Variants in TNS3 observed in about 807,000 individuals in gnomAD.
TNS3 encodes tensin 3, also known as tensin-3.
Under a neutral mutation model 140.9 loss-of-function variants are expected in TNS3, and 45 were observed. That is an observed-to-expected ratio of 0.32 (90% CI 0.25 to 0.41). TNS3 has a LOEUF of 0.41. TNS3 is among the 10% of genes least tolerant of loss of function. The pLI, the probability that TNS3 is intolerant of heterozygous loss-of-function variation, is 1.00. For missense variants in TNS3, 1,716 were observed against 1,906.7 expected, an observed-to-expected ratio of 0.90 and a Z score of 1.86; for synonymous variants, 815 against 788.4, an observed-to-expected ratio of 1.03 and a Z score of -0.56.
chr7:47,547,183 G>A (rs898934392), intron 1 of TNS3, among the ~76,000 whole-genome samples: 1 of 152,234 alleles, frequency 6.6e-6, no homozygotes, highest in South Asian at 2.1e-4. Context: ...TGTGTGTCGG[G>A]CTCCAGTGTA....
chr7:47,400,148 G>T (rs1336280873), intron 15 of TNS3, among the ~76,000 whole-genome samples: 1 of 152,172 alleles, frequency 6.6e-6, no homozygotes, highest in African/African-American at 2.4e-5. Flanking sequence ...TACAAGAATG[G>T]CCAGTCATGC....
At chr7:47,459,249 G>A (rs896239701) in intron 4 of TNS3, among the ~76,000 whole-genome samples, 1 of 152,226 alleles carries the variant, frequency 6.6e-6, no homozygotes, top group African/African-American at 2.4e-5. Context: ...GAGATGCCAT[G>A]TGCTTTGGGG....
chr7:47,515,532 A>G (rs1798751962), intron 2 of TNS3, among the ~76,000 whole-genome samples: 1 of 147,792 alleles, frequency 6.8e-6, no homozygotes, highest in Admixed American at 6.9e-5. Flanking sequence ...CACCAGTGCC[A>G]TGGTCACCAT....
chr7:47,293,127 A>T (rs936498019), intron 25 of TNS3, among the ~76,000 whole-genome samples: 5 of 152,260 alleles, frequency 3.3e-5, no homozygotes, highest in African/African-American at 1.2e-4. Context: ...TATCATTCTT[A>T]TCATAGACAC....
intron 3 of TNS3, chr7:47,481,615 C>T: frequency 2.1e-6 from 2 of 969,988 alleles, no homozygotes; most frequent in South Asian, 4.8e-5. Flanking sequence ...ACTATTTCTA[C>T]AAGTAGAACT....
intron 2 of TNS3, among the ~76,000 whole-genome samples, chr7:47,524,675 G>T (rs963621593): frequency 6.7e-6 from 1 of 149,754 alleles, no homozygotes; most frequent in Non-Finnish European, 1.5e-5. Context: ...GGTGGCGGGC[G>T]CCTGTAGTCC....
intron 20 of TNS3, among the ~76,000 whole-genome samples, chr7:47,312,971 A>G (rs1469029873): frequency 2.0e-5 from 3 of 152,194 alleles, no homozygotes; most frequent in African/African-American, 7.2e-5. Flanking sequence ...CGGAGAACGG[A>G]AGAGAGAAAC....
intron 16 of TNS3, among the ~76,000 whole-genome samples, chr7:47,392,151 G>A (rs1050686445): frequency 2.6e-5 from 4 of 152,114 alleles, no homozygotes; most frequent in Non-Finnish European, 4.4e-5. Flanking sequence ...CTCAGGGACA[G>A]CAACTACCCC....
Position 47,276,110 on chromosome 7 carries a change from G to A in TNS3, c.*1966C>T, listed in dbSNP as rs1784858975. 2 of 272,468 alleles carry A rather than the reference G, an allele frequency of 7.3e-6. No homozygotes were observed. Among genetic ancestry groups the A allele is most frequent in the Non-Finnish European group, 1.5e-5 (2 of 137,004 alleles). The allele number at this position is 272,468 out of a possible 1,614,324, so 16.9% of individuals were successfully genotyped here. ...GTGGATGAAAAACCGAGATGCTAGA[G>A]GCCTCTGCTAAAGACATCAGGGTCA... On this transcript the variant is annotated 3_prime_UTR_variant, in exon 31 of 31. Coordinates refer to ENST00000311160, the MANE Select transcript of TNS3 (RefSeq NM_022748.12).
intron 20 of TNS3, among the ~76,000 whole-genome samples, chr7:47,341,941 G>A (rs1002777349): frequency 6.6e-6 from 1 of 151,840 alleles, no homozygotes; most frequent in Non-Finnish European, 1.5e-5. Flanking sequence ...TATGTTTTTG[G>A]ATTTCCCTCG....
chr7:47,339,077 G>A (rs570090155), intron 20 of TNS3, among the ~76,000 whole-genome samples: 1 of 152,032 alleles, frequency 6.6e-6, no homozygotes, highest in Non-Finnish European at 1.5e-5. Flanking sequence ...GCTGAGTATT[G>A]AGAGATTATA....
chr7:47,569,737 C>T (rs1398048795), intron 1 of TNS3, among the ~76,000 whole-genome samples: 2 of 151,710 alleles, frequency 1.3e-5, no homozygotes, highest in Non-Finnish European at 2.9e-5. Context: ...ATCTGTAATC[C>T]CAGCTACTTG....
intron 20 of TNS3, among the ~76,000 whole-genome samples, chr7:47,336,848 C>T (rs1050172677): frequency 2.6e-5 from 4 of 152,206 alleles, no homozygotes; most frequent in African/African-American, 7.2e-5. Context: ...CACCCTATTG[C>T]GTTAGCCTGG....
chr7:47,424,672 A>G (rs1221095996), intron 9 of TNS3, among the ~76,000 whole-genome samples: 1 of 152,206 alleles, frequency 6.6e-6, no homozygotes, highest in East Asian at 1.9e-4. Flanking sequence ...AGACACCCCC[A>G]TGAAGTCCCA....
chr7:47,560,337 G>A (rs1468285816), intron 1 of TNS3, among the ~76,000 whole-genome samples: 1 of 151,972 alleles, frequency 6.6e-6, no homozygotes, highest in Non-Finnish European at 1.5e-5. Context: ...AGACACCGAG[G>A]GCCTTGATCT....
chr7:47,380,218 G>T (rs116431761), intron 16 of TNS3, among the ~76,000 whole-genome samples: 2 of 152,228 alleles, frequency 1.3e-5, no homozygotes, highest in South Asian at 2.1e-4. Flanking sequence ...AGGCCAGGGC[G>T]GCTCCCCGGG....
In TNS3 at chr7:47,413,251, C is replaced by CTTTTTTTTTTTTTTTT. The variant is rs71003398; in HGVS notation, c.647+670_647+685dup. Among the ~76,000 whole-genome samples, 25 of 52,948 alleles carry CTTTTTTTTTTTTTTTT rather than the reference C, an allele frequency of 4.7e-4. 4 individuals are homozygous for CTTTTTTTTTTTTTTTT. Among genetic ancestry groups the CTTTTTTTTTTTTTTTT allele is most frequent in the African/African-American group, 1.9e-3 (25 of 13,280 alleles). 34.7% of individuals were successfully genotyped at this position (52,948 alleles called of 152,430 possible). On this transcript the variant is annotated intron_variant, in intron 12 of 30. Coordinates refer to ENST00000311160, the MANE Select transcript of TNS3 (RefSeq NM_022748.12). ...ACAGGTGTGAGCCACCAAGCCTGGC[C>CTTTTTTTTTTTTTTTT]TTTTTTTTTTTTTTTTTTTTTTTTG...
At chr7:47,473,686 A>G (rs1257115370) in intron 4 of TNS3, among the ~76,000 whole-genome samples, 4 of 152,176 alleles carry the variant, frequency 2.6e-5, no homozygotes, top group South Asian at 2.1e-4. Flanking sequence ...CTGTGACAAC[A>G]TGCATGCAGA....
intron 3 of TNS3, among the ~76,000 whole-genome samples, chr7:47,491,076 C>T (rs552258439): frequency 3.9e-5 from 6 of 152,280 alleles, no homozygotes; most frequent in African/African-American, 1.2e-4. Context: ...CGACAGAGCG[C>T]GGCTGTGGCT....
Sources: gnomAD v4.1 joint callset for allele counts (sites outside exome capture counted in the v4.1 genomes callset) on GRCh38, gnomAD v4.1.1 for gene constraint, MANE v1.5 for transcripts, NCBI Gene and HGNC (gene_info 2026-07-23, HGNC 2026-07-21) for gene names.